The following TANC2 variants were observed in gnomAD, a reference collection of about 807,000 sequenced individuals.
The protein encoded by TANC2 is tetratricopeptide repeat, ankyrin repeat and coiled-coil containing 2.
TANC2 carries 26 observed loss-of-function variants against 210.5 expected under a neutral mutation model. That is an observed-to-expected ratio of 0.12 (90% CI 0.09 to 0.17). The LOEUF is 0.17. TANC2 is among the 10% of genes least tolerant of loss of function. TANC2 has a pLI of 1.00. For synonymous variants in TANC2, 931 were observed against 967.1 expected (o/e 0.96, Z 0.69); for missense variants, 2,129 against 2,608.9 (o/e 0.82, Z 4.01).
At chr17:63,387,743 A>G (rs2047831346) in intron 15 of TANC2, among the ~76,000 whole-genome samples, 1 of 152,228 alleles carries the variant, frequency 6.6e-6, no homozygotes, top group Non-Finnish European at 1.5e-5. Context: ...AGAACAAATT[A>G]TTCTAACTTC....
chr17:63,366,597 A>G (rs2047117152), intron 14 of TANC2, among the ~76,000 whole-genome samples: 1 of 152,260 alleles, frequency 6.6e-6, no homozygotes, highest in Non-Finnish European at 1.5e-5. Context: ...ATGCATTAAC[A>G]GAACAGAAAG....
chr17:63,350,876 G>GAAAAAAAAA (rs374621938), intron 12 of TANC2, among the ~76,000 whole-genome samples: 1 of 121,394 alleles, frequency 8.2e-6, no homozygotes. Flanking sequence ...GTCAGATAGG[G>GAAAAAAAAA]AAAAAAAAAA....
chr17:63,332,021 C>CTCTGGCTGTTTTT (rs1305125941), intron 11 of TANC2: 2 of 280,594 alleles, frequency 7.1e-6, no homozygotes, highest in African/African-American at 4.5e-5. Flanking sequence ...CATCATCCAC[C>CTCTGGCTGTTTTT]TCTGGCTGTT....
At chr17:63,273,184 G>T (rs1020703450) in intron 9 of TANC2, among the ~76,000 whole-genome samples, 1 of 152,048 alleles carries the variant, frequency 6.6e-6, no homozygotes, top group African/African-American at 2.4e-5. Flanking sequence ...TACTCAGGAG[G>T]CAGAGGTGGG....
intron 7 of TANC2, among the ~76,000 whole-genome samples, chr17:63,209,653 T>C (rs975880598): frequency 6.6e-6 from 1 of 151,812 alleles, no homozygotes; most frequent in Non-Finnish European, 1.5e-5. Flanking sequence ...CAGGCTGGTC[T>C]CGAACTCCTG....
At chr17:62,974,047 T>G (rs1326823282) in intron 1 of TANC2, among the ~76,000 whole-genome samples, 2 of 152,232 alleles carry the variant, frequency 1.3e-5, no homozygotes, top group African/African-American at 4.8e-5. Flanking sequence ...AGAATAAGTT[T>G]GTCAGTCCTT....
At chr17:63,238,103 G>GTTT in intron 8 of TANC2, 26 bp downstream of exon 8, 1 of 1,508,390 alleles carries the variant, frequency 6.6e-7, no homozygotes. Context: ...TGTTGTTGTT[G>GTTT]TTGCTGTTGT....
intron 1 of TANC2, among the ~76,000 whole-genome samples, chr17:62,976,531 A>G (rs766473431): frequency 1.4e-4 from 22 of 151,898 alleles, no homozygotes; most frequent in Non-Finnish European, 2.6e-4. Context: ...ATATATTGGA[A>G]AATTTTGCCC....
chr17:63,027,404 T>G (rs1400085768), intron 2 of TANC2, among the ~76,000 whole-genome samples: 1 of 152,094 alleles, frequency 6.6e-6, no homozygotes, highest in Non-Finnish European at 1.5e-5. Context: ...TAATACGCTA[T>G]TTTTCATAGG....
intron 4 of TANC2, among the ~76,000 whole-genome samples, chr17:63,109,175 C>A (rs780129487): frequency 6.6e-6 from 1 of 151,240 alleles, no homozygotes; most frequent in Non-Finnish European, 1.5e-5. Flanking sequence ...ATAAGGAGAT[C>A]GAGGAAGACA....
At chr17:63,393,778 T>TA (rs1411060475) in intron 17 of TANC2, among the ~76,000 whole-genome samples, 12 of 85,212 alleles carry the variant, frequency 1.4e-4, no homozygotes, top group African/African-American at 5.1e-4. Context: ...TTATTATTAT[T>TA]TTTTTTTTTT....
At chr17:63,125,823 G>A (rs569553198) in intron 4 of TANC2, among the ~76,000 whole-genome samples, 3 of 152,260 alleles carry the variant, frequency 2.0e-5, no homozygotes, top group Admixed American at 1.3e-4. Flanking sequence ...TCAGTACACA[G>A]CAGGCCTTTT....
Position 63,418,476 on chromosome 17 carries a change from C to A in TANC2, c.4268+69C>A. ...GAAAATTTGGCCAAGGCAGCGTCGG[C>A]CACCCTGGGGCATATGTACCCAAAT... On this transcript the variant is annotated intron_variant, in intron 27 of 27. Coordinates refer to ENST00000689528, the Ensembl canonical transcript of TANC2. The surrounding 1 kb of genome is among the most constrained non-coding windows in gnomAD (Gnocchi z 4.6). 2 of 1,414,146 alleles carry A rather than the reference C, an allele frequency of 1.4e-6. No individual in the cohort carries two copies. 87.6% of individuals were successfully genotyped at this position (1,414,146 alleles called of 1,614,324 possible).
intron 5 of TANC2, among the ~76,000 whole-genome samples, chr17:63,175,571 G>T (rs1165095658): frequency 3.5e-5 from 5 of 144,820 alleles, no homozygotes; most frequent in East Asian, 2.1e-4. Context: ...AGACCTAAAT[G>T]TAAGAGCTAG....
rs1182194839 is a variant in TANC2, at chr17:63,421,113, T to C, written c.5383T>C (p.Tyr1795His). 14 of 1,613,818 alleles carry C rather than the reference T, an allele frequency of 8.7e-6. No homozygotes were observed. Among genetic ancestry groups the C allele is most frequent in the Non-Finnish European group, 1.1e-5 (13 of 1,179,878 alleles). ...CTCAGCATACCGAGGTGGCGTGAGA[T>C]ACAGCCAGACACCACAGATCGGACG... Residue 1795 changes from tyrosine to histidine, a missense_variant, in exon 28 of 28, where the codon TAC (tyrosine) becomes CAC (histidine). Tyr to His is a moderately conservative substitution (Grantham distance 83). Around this residue, in one of 5 missense-constraint regions of TANC2, gnomAD observed 584 missense variants for 627.3 expected, o/e 0.93. Transcript: ENST00000689528. The surrounding 1 kb of genome is among the most constrained non-coding windows in gnomAD (Gnocchi z 6.9).
chr17:63,344,527 A>G (rs1362463375), intron 12 of TANC2, among the ~76,000 whole-genome samples: 2 of 152,210 alleles, frequency 1.3e-5, no homozygotes, highest in African/African-American at 2.4e-5. Flanking sequence ...TGCAAATAGT[A>G]TAAATATTGG....
intron 12 of TANC2, among the ~76,000 whole-genome samples, chr17:63,349,671 A>C (rs1187336420): frequency 6.6e-6 from 1 of 152,236 alleles, no homozygotes; most frequent in Non-Finnish European, 1.5e-5. Context: ...AGATAGCTCC[A>C]GCACAGTGAG....
intron 9 of TANC2, among the ~76,000 whole-genome samples, chr17:63,269,765 T>G (rs2043641449): frequency 6.6e-6 from 1 of 152,148 alleles, no homozygotes; most frequent in African/African-American, 2.4e-5. Flanking sequence ...ATACCAGTTT[T>G]ATCTGGAATG....
At chr17:63,129,171 T>A (rs78544144) in intron 4 of TANC2, among the ~76,000 whole-genome samples, 51 of 152,144 alleles carry the variant, frequency 3.4e-4, no homozygotes, top group African/African-American at 1.2e-3. Context: ...ATTTTTTTTT[T>A]AATTTTAACT....
Sources: allele counts gnomAD v4.1 joint callset (sites outside exome capture counted in the v4.1 genomes callset), GRCh38; gene constraint gnomAD v4.1.1; regional missense constraint gnomAD v4.1.1; non-coding constraint Gnocchi (gnomAD v3.1); transcripts MANE v1.5; gene names NCBI Gene and HGNC (gene_info 2026-07-23, HGNC 2026-07-21).